RABGAP1L: variants seen among roughly 807,000 people sequenced by gnomAD.
The protein encoded by RABGAP1L is RAB GTPase activating protein 1 like, also known as rab GTPase-activating protein 1-like.
In RABGAP1L, 63 loss-of-function variants were observed where a neutral mutation model predicts 137.7. That is an observed-to-expected ratio of 0.46 (90% CI 0.37 to 0.56). The LOEUF (loss-of-function observed/expected upper bound fraction) is 0.56, where lower values mean the gene tolerates loss of function less well. Among genes scored for constraint, RABGAP1L ranks in the 20% least tolerant of loss-of-function variants. The pLI, the probability that RABGAP1L is intolerant of heterozygous loss-of-function variation, is 0.00. For missense variants in RABGAP1L, 1,095 were observed against 1,244.0 expected (o/e 0.88, Z 1.80); for synonymous variants, 431 against 433.7 (o/e 0.99, Z 0.08).
At chr1:174,406,589 G>C (rs1483594404) in intron 13 of RABGAP1L, among the ~76,000 whole-genome samples, 3 of 152,126 alleles carry the variant, frequency 2.0e-5, no homozygotes, top group Admixed American at 2.0e-4. Context: ...TTATACGACT[G>C]CCTTGTTCTT....
In RABGAP1L at chr1:174,855,292, T is replaced by A. The variant is rs758480904; in HGVS notation, c.2340+43332T>A. 4.6e-5 allele frequency among the ~76,000 whole-genome samples: 7 copies of A among 152,280 alleles called. No homozygotes were observed. In the South Asian group the frequency reaches 6.2e-4, roughly 14 times the overall value. On this transcript the variant is annotated intron_variant, in intron 19 of 25. Coordinates refer to ENST00000681986, the MANE Select transcript of RABGAP1L (RefSeq NM_001366446.1). ...GCAGCCAGGTAGACCACCACTCTGA[T>A]GGCCCCATTCAAGCTTAGAGCTTCC... is the stretch of plus-strand genomic sequence containing the variant.
At chr1:174,631,712 C>G (rs1673394993) in intron 13 of RABGAP1L, among the ~76,000 whole-genome samples, 1 of 119,812 alleles carries the variant, frequency 8.3e-6, no homozygotes, top group East Asian at 2.4e-4. Context: ...ACTAGGATTG[C>G]AACCCCTGCC....
intron 1 of RABGAP1L, among the ~76,000 whole-genome samples, chr1:174,182,332 AAGTT>A (rs1318915722): frequency 7.2e-5 from 11 of 152,222 alleles, no homozygotes; most frequent in Non-Finnish European, 1.5e-5. Context: ...GGTTGAGAGA[AAGTT>A]AGTAAGTGAC....
chr1:174,902,134 T>C (rs936117895), intron 19 of RABGAP1L, among the ~76,000 whole-genome samples: 1 of 152,308 alleles, frequency 6.6e-6, no homozygotes, highest in Middle Eastern at 3.4e-3. Context: ...AAGACCCACA[T>C]TGGGAATTGT....
chr1:174,338,082 T>G (rs1681638748), intron 11 of RABGAP1L, among the ~76,000 whole-genome samples: 1 of 152,158 alleles, frequency 6.6e-6, no homozygotes, highest in African/African-American at 2.4e-5. Context: ...GACCTTTTTC[T>G]CTACAGATAA....
rs370058075 is a variant in RABGAP1L, at chr1:174,726,981, TGTTA to T, written c.2169+24729_2169+24732del. 2.8e-3 allele frequency among the ~76,000 whole-genome samples: 429 copies of T among 152,332 alleles called. 5 individuals carry two copies. The highest frequency in any genetic ancestry group is 8.6e-3 in the African/African-American group (356 of 41,578). Reference sequence around the variant, plus strand: ...AGAATAGAAGTAATCGGTAAACATTTGTTAGTTGACTCATTTGGTTTGTTTTTTG... The same window carrying T: ...AGAATAGAAGTAATCGGTAAACATTTGTTGACTCATTTGGTTTGTTTTTTG... On this transcript the variant is annotated intron_variant, in intron 17 of 25. Transcript: ENST00000681986.
At chr1:174,324,758 A>G (rs946912491) in intron 11 of RABGAP1L, among the ~76,000 whole-genome samples, 2 of 152,190 alleles carry the variant, frequency 1.3e-5, no homozygotes, top group Non-Finnish European at 2.9e-5. Context: ...GAGCCAAGAC[A>G]GGGATAGAAT....
At chr1:174,515,542 TACA>T (rs1028887470) in intron 13 of RABGAP1L, among the ~76,000 whole-genome samples, 1 of 151,028 alleles carries the variant, frequency 6.6e-6, no homozygotes, top group African/African-American at 2.5e-5. Context: ...ACTGATTTGT[TACA>T]TTTGCAAATT....
chr1:174,688,966 C>T (rs949255814), intron 15 of RABGAP1L, among the ~76,000 whole-genome samples: 1 of 151,898 alleles, frequency 6.6e-6, no homozygotes, highest in African/African-American at 2.4e-5. Context: ...GTTAAAGTTA[C>T]GAAAGTGATT....
chr1:174,215,616 A>G (rs952541437), intron 1 of RABGAP1L, among the ~76,000 whole-genome samples: 1 of 152,208 alleles, frequency 6.6e-6, no homozygotes, highest in African/African-American at 2.4e-5. Flanking sequence ...CAAAACTACA[A>G]TGAGATATTA....
intron 18 of RABGAP1L, among the ~76,000 whole-genome samples, chr1:174,809,539 A>G (rs1689657737): frequency 6.6e-6 from 1 of 152,220 alleles, no homozygotes; most frequent in Non-Finnish European, 1.5e-5. Flanking sequence ...AAAATTAGAT[A>G]ACTATGCTAC....
At chr1:174,631,895 T>G (rs1334966700) in intron 13 of RABGAP1L, among the ~76,000 whole-genome samples, 9,859 of 140,740 alleles carry the variant, frequency 0.07, 1,195 homozygotes, top group African/African-American at 0.25. Context: ...CCATTTACAT[T>G]TAAAGTTAAT....
At chr1:174,550,893 T>C (rs79586083) in intron 13 of RABGAP1L, among the ~76,000 whole-genome samples, 626 of 55,426 alleles carry the variant, frequency 0.011, 43 homozygotes, top group African/African-American at 0.037. Context: ...TATATATATA[T>C]ATACACACAC....
At position 174,278,662 on chromosome 1, in the gene RABGAP1L, G is replaced by A; in HGVS notation, c.1206G>A (p.Val402=). 6.2e-7 allele frequency: 1 copy of A among 1,613,462 alleles called. No homozygotes were observed. Among genetic ancestry groups the A allele is most frequent in the Non-Finnish European group, 8.5e-7 (1 of 1,179,708 alleles). The change falls in exon 10 of 26, where the codon GTG becomes GTA. Residue 402 remains valine (V), a synonymous_variant. Coordinates refer to ENST00000681986, the MANE Select transcript of RABGAP1L (RefSeq NM_001366446.1). The part of the protein sequence containing the change: ...TVAVDMVVTE[V]VEPVRFLLET... ...CAGTGGATATGGTAGTCACAGAGGTGGTGGAGCCTGTTCGCTTTCTCCTGG... is the reference window on the plus strand; with the variant it reads ...CAGTGGATATGGTAGTCACAGAGGTAGTGGAGCCTGTTCGCTTTCTCCTGG...
intron 13 of RABGAP1L, among the ~76,000 whole-genome samples, chr1:174,612,639 TA>T (rs1466848555): frequency 1.3e-5 from 2 of 152,184 alleles, no homozygotes; most frequent in Non-Finnish European, 2.9e-5. Context: ...TGGTACCAGT[TA>T]CTCCTTGTAC....
chr1:174,285,823 T>C (rs1676008357), intron 10 of RABGAP1L, among the ~76,000 whole-genome samples: 1 of 152,178 alleles, frequency 6.6e-6, no homozygotes, highest in Non-Finnish European at 1.5e-5. Flanking sequence ...ATTTTGTCTT[T>C]TTCTGAATCT....
chr1:174,204,021 G>A (rs988232486), intron 1 of RABGAP1L, among the ~76,000 whole-genome samples: 3 of 151,194 alleles, frequency 2.0e-5, no homozygotes, highest in South Asian at 2.1e-4. Context: ...GCACAATCTC[G>A]GCTCACTGCA....
At chr1:174,358,548 A>T (rs1036707305) in intron 11 of RABGAP1L, among the ~76,000 whole-genome samples, 1 of 152,162 alleles carries the variant, frequency 6.6e-6, no homozygotes, top group African/African-American at 2.4e-5. Flanking sequence ...GGCCTGTGAC[A>T]CTTTCACATC....
chr1:174,280,603 A>G (rs1240443913), intron 10 of RABGAP1L, among the ~76,000 whole-genome samples: 1 of 152,084 alleles, frequency 6.6e-6, no homozygotes, highest in African/African-American at 2.4e-5. Context: ...GGCAGTGGGG[A>G]TGTATGAAAG....
Sources: allele counts gnomAD v4.1 joint callset (sites outside exome capture counted in the v4.1 genomes callset), GRCh38; gene constraint gnomAD v4.1.1; transcripts MANE v1.5; gene names NCBI Gene and HGNC (gene_info 2026-07-23, HGNC 2026-07-21).